Variants in MARCHF2 observed in about 807,000 individuals in gnomAD.
MARCHF2 encodes the protein E3 ubiquitin-protein ligase MARCHF2.
A neutral mutation model predicts 24.0 loss-of-function variants in MARCHF2; 22 were observed. The observed-to-expected ratio is 0.92, with a 90% CI of 0.66 to 1.31. MARCHF2 has a LOEUF of 1.31. Among genes scored for constraint, MARCHF2 ranks in the 50% most tolerant of loss-of-function variants. The probability of loss-of-function intolerance (pLI) is 0.00; values close to 1 mark genes in which losing one functional copy is unlikely to be tolerated. For synonymous variants in MARCHF2, 154 were observed against 153.0 expected, an observed-to-expected ratio of 1.01 and a Z score of -0.05; for missense variants, 301 against 335.3, an observed-to-expected ratio of 0.90 and a Z score of 0.80.
At chr19:8,425,683 C>G (rs542669408) in intron 2 of MARCHF2, among the ~76,000 whole-genome samples, 258 of 150,800 alleles carry the variant, frequency 1.7e-3, no homozygotes, top group Middle Eastern at 6.8e-3. Flanking sequence ...GTGGTGTAAT[C>G]TCGGCTCACT....
chr19:8,433,035 G>A (rs1967621839), intron 4 of MARCHF2, among the ~76,000 whole-genome samples: 1 of 151,448 alleles, frequency 6.6e-6, no homozygotes, highest in Non-Finnish European at 1.5e-5. Flanking sequence ...CCTGGGCAAA[G>A]TGGCAAAACC....
intron 4 of MARCHF2, among the ~76,000 whole-genome samples, chr19:8,437,748 T>A (rs959260815): frequency 6.6e-6 from 1 of 150,656 alleles, no homozygotes; most frequent in Non-Finnish European, 1.5e-5. Flanking sequence ...TGATTTACAT[T>A]AAAAAAATTT....
chr19:8,435,019 A>T (rs1028586518), intron 4 of MARCHF2, among the ~76,000 whole-genome samples: 8 of 131,078 alleles, frequency 6.1e-5, no homozygotes, highest in East Asian at 4.6e-4. Context: ...TTTATTTTTT[A>T]ATTTTTTTTT....
chr19:8,414,333 G>A (rs1568233177), intron 1 of MARCHF2, among the ~76,000 whole-genome samples: 1 of 151,128 alleles, frequency 6.6e-6, no homozygotes. Context: ...GCAGTGGCAC[G>A]ATCTGAGCTC....
At position 8,438,497 on chromosome 19, in the gene MARCHF2, C is replaced by T. The variant is rs1261291125; in HGVS notation, c.692C>T (p.Pro231Leu). 1.9e-6 allele frequency: 3 copies of T among 1,614,112 alleles called. No individual in the cohort carries two copies. Among genetic ancestry groups the T allele is most frequent in the Admixed American group, 1.7e-5 (1 of 59,980 alleles). ...ADSPEGPQHS[P>L]LAAGLLKKVA... ...AGCCCCGAGGGCCCCCAGCATTCTC[C>T]ACTGGCAGCTGGACTCCTGAAGAAG... The change falls in exon 5 of 5, where the codon CCA becomes CTA. Residue 231 changes from proline to leucine, a missense_variant. Physicochemically the swap from Pro to Leu is moderately conservative, Grantham distance 98. Coordinates refer to ENST00000215555, the MANE Select transcript of MARCHF2 (RefSeq NM_001005415.2).
chr19:8,429,478 A>AATTATTATTATT (rs1460004320), intron 3 of MARCHF2, among the ~76,000 whole-genome samples: 3 of 107,002 alleles, frequency 2.8e-5, no homozygotes, highest in Non-Finnish European at 5.7e-5. Flanking sequence ...AAATGAAAGA[A>AATTATTATTATT]CTTATTATTA....
intron 3 of MARCHF2, among the ~76,000 whole-genome samples, chr19:8,428,889 T>G (rs904878650): frequency 6.9e-6 from 1 of 145,900 alleles, no homozygotes; most frequent in Non-Finnish European, 1.5e-5. Context: ...GAGCCAAGAT[T>G]GCACCACAGC....
chr19:8,436,866 T>C (rs937678667), intron 4 of MARCHF2, among the ~76,000 whole-genome samples: 2 of 151,954 alleles, frequency 1.3e-5, no homozygotes, highest in African/African-American at 4.8e-5. Context: ...AATTTTGTAT[T>C]TTTAATAGAG....
At chr19:8,426,890 G>T in intron 3 of MARCHF2, 86 bp downstream of exon 3, 1 of 1,280,348 alleles carries the variant, frequency 7.8e-7, no homozygotes, top group Non-Finnish European at 1.1e-6. Flanking sequence ...CGGGCAATCT[G>T]GTGGTCCTCC....
intron 2 of MARCHF2, chr19:8,423,209 C>G (rs369209034): frequency 1.3e-5 from 2 of 150,800 alleles, no homozygotes; most frequent in Non-Finnish European, 2.9e-5. Flanking sequence ...ACAGCCCCCC[C>G]GCCCCGACCA....
Position 8,428,661 on chromosome 19 carries a change from A to C in MARCHF2, c.372+1857A>C, listed in dbSNP as rs866983522. Among the ~76,000 whole-genome samples, 59 of 141,398 alleles carry C rather than the reference A, an allele frequency of 4.2e-4. 1 individual carries two copies. The highest frequency in any genetic ancestry group is 5.8e-4 in the Non-Finnish European group (38 of 65,274). The allele number at this position is 141,398 out of a possible 152,430, so 92.8% of individuals were successfully genotyped here. On this transcript the variant is annotated intron_variant, in intron 3 of 4. Transcript: ENST00000215555. ...TGAGACTCTATCTCAAAAAAAAAAA[A>C]AAAAAAAAAAAAAAAAAAAAAACCA...
chr19:8,429,114 T>C (rs901195491), intron 3 of MARCHF2, among the ~76,000 whole-genome samples: 3 of 140,102 alleles, frequency 2.1e-5, no homozygotes, highest in Admixed American at 6.8e-5. Flanking sequence ...CCTCCCCCTA[T>C]CCCAGGGCCT....
At chr19:8,425,559 G>A (rs1306460031) in intron 2 of MARCHF2, among the ~76,000 whole-genome samples, 3 of 151,854 alleles carry the variant, frequency 2.0e-5, no homozygotes, top group African/African-American at 7.2e-5. Context: ...TGTTCTGACT[G>A]GTCCAGTATG....
intron 4 of MARCHF2, among the ~76,000 whole-genome samples, chr19:8,431,430 G>A (rs1967579918): frequency 6.8e-6 from 1 of 146,258 alleles, no homozygotes; most frequent in Non-Finnish European, 1.5e-5. Context: ...TCGGGAGGCG[G>A]AGGTTGCAGT....
In MARCHF2 at chr19:8,432,983, T is replaced by C. The variant is rs1193609839; in HGVS notation, c.582+2116T>C. ...CCTGTAATCCCAGCACTTTAGGAGG[T>C]TGAGGCAGGCAGATTGCTTGAGCTT... On this transcript the variant is annotated intron_variant, in intron 4 of 4. Transcript: ENST00000215555. Among the ~76,000 whole-genome samples the C allele has an allele frequency of 3.4e-5, 5 of 147,398 alleles. No homozygotes were observed. In the East Asian group the frequency reaches 8.4e-4, roughly 25 times the overall value.
At chr19:8,436,075 G>A (rs554793096) in intron 4 of MARCHF2, among the ~76,000 whole-genome samples, 1 of 152,024 alleles carries the variant, frequency 6.6e-6, no homozygotes, top group East Asian at 1.9e-4. Context: ...GCCCAGGCTA[G>A]GAGTTGACTC....
chr19:8,437,799 C>A (rs902009846), intron 4 of MARCHF2, among the ~76,000 whole-genome samples: 2 of 151,414 alleles, frequency 1.3e-5, no homozygotes, highest in Non-Finnish European at 2.9e-5. Flanking sequence ...GGCTGGAGTG[C>A]AGTGGCGTGA....
At chr19:8,415,737 AAAAAAAC>A (rs1296039732) in intron 1 of MARCHF2, among the ~76,000 whole-genome samples, 1,045 of 96,888 alleles carry the variant, frequency 0.011, 76 homozygotes, top group African/African-American at 0.028. Flanking sequence ...AAAAAAAACA[AAAAAAAC>A]AAAAAAAAAA....
chr19:8,426,033 C>T (rs909453162), intron 2 of MARCHF2, among the ~76,000 whole-genome samples: 20 of 151,296 alleles, frequency 1.3e-4, no homozygotes, highest in Admixed American at 9.9e-4. Context: ...CGAGACCATC[C>T]TGGCTAACAC....
Sources: allele counts gnomAD v4.1 joint callset (sites outside exome capture counted in the v4.1 genomes callset), GRCh38; gene constraint gnomAD v4.1.1; transcripts MANE v1.5; gene names NCBI Gene and HGNC (gene_info 2026-07-23, HGNC 2026-07-21).